Variants in UST observed in about 807,000 individuals in gnomAD.
The protein encoded by UST is uronyl 2-sulfotransferase.
In UST, 21 loss-of-function variants were observed where a neutral mutation model predicts 45.6. The ratio of observed to expected loss-of-function variants is 0.46; its 90% CI spans 0.33 to 0.66. The LOEUF is 0.66. UST is among the 30% of genes least tolerant of loss of function. The pLI is 0.02. For synonymous variants in UST, 215 were observed against 200.6 expected (o/e 1.07, Z -0.61); for missense variants, 463 against 512.4 (o/e 0.90, Z 0.93).
chr6:148,912,449 T>G (rs935825635), intron 2 of UST, among the ~76,000 whole-genome samples: 1 of 152,244 alleles, frequency 6.6e-6, no homozygotes, highest in Non-Finnish European at 1.5e-5. Flanking sequence ...TTCGTTAAAG[T>G]CTGTACTTTG....
chr6:149,037,403 AG>A (rs1317353981), intron 7 of UST, among the ~76,000 whole-genome samples: 26 of 152,232 alleles, frequency 1.7e-4, no homozygotes, highest in Non-Finnish European at 1.5e-5. Flanking sequence ...CTGTTGTTAA[AG>A]CCCAGACTGA....
At chr6:148,852,565 TATC>T (rs1305991807) in intron 1 of UST, among the ~76,000 whole-genome samples, 4 of 152,280 alleles carry the variant, frequency 2.6e-5, no homozygotes, top group Admixed American at 2.6e-4. Flanking sequence ...TATGGAGAAA[TATC>T]ATAATCCTCA....
intron 7 of UST, among the ~76,000 whole-genome samples, chr6:149,029,179 A>G (rs1165106157): frequency 6.6e-6 from 1 of 151,964 alleles, no homozygotes; most frequent in Non-Finnish European, 1.5e-5. Context: ...TCCAAGTCCA[A>G]TTGATTGCAG....
intron 5 of UST, among the ~76,000 whole-genome samples, chr6:149,018,425 G>A (rs1775936496): frequency 2.6e-5 from 4 of 152,088 alleles, no homozygotes. Context: ...TGAGAATGAG[G>A]CATGTCTTAT....
At chr6:148,780,108 TACATGTGTGTGTATATATATAC>T (rs1776614185) in intron 1 of UST, among the ~76,000 whole-genome samples, 2 of 147,470 alleles carry the variant, frequency 1.4e-5, no homozygotes, top group Admixed American at 6.7e-5. Context: ...CACACACAAA[TACATGTGTGTGTATATATATAC>T]ACACACACAC....
intron 1 of UST, among the ~76,000 whole-genome samples, chr6:148,829,844 TGGTCTGACCTAGGGACTATTATTTTGGAA>T (rs1337540562): frequency 6.6e-6 from 1 of 152,242 alleles, no homozygotes; most frequent in Non-Finnish European, 1.5e-5. Context: ...CTACTTGCTT[TGGTCTGACCTAGGGACTATTATTTTGGAA>T]GGTGTTTTAA....
intron 7 of UST, among the ~76,000 whole-genome samples, chr6:149,033,809 A>G (rs1000335888): frequency 4.6e-5 from 7 of 152,182 alleles, no homozygotes; most frequent in East Asian, 1.9e-4. Flanking sequence ...ATTTTTTGCT[A>G]TATCTATTAA....
intron 2 of UST, among the ~76,000 whole-genome samples, chr6:148,938,009 AC>A (rs1437314661): frequency 3.9e-5 from 6 of 152,202 alleles, no homozygotes; most frequent in African/African-American, 1.4e-4. Flanking sequence ...GAATATCTGG[AC>A]TTCTGTAATT....
intron 5 of UST, among the ~76,000 whole-genome samples, chr6:148,982,437 A>G (rs1781156944): frequency 6.6e-6 from 1 of 152,152 alleles, no homozygotes; most frequent in South Asian, 2.1e-4. Context: ...TCCCATTCAC[A>G]AGGGAAGAGA....
At chr6:148,812,932 A>G (rs1258634929) in intron 1 of UST, among the ~76,000 whole-genome samples, 4 of 152,186 alleles carry the variant, frequency 2.6e-5, no homozygotes, top group Non-Finnish European at 5.9e-5. Flanking sequence ...ATTCCTTTTT[A>G]TTGGTAAATG....
At chr6:148,767,031 A>T (rs1201220422) in intron 1 of UST, among the ~76,000 whole-genome samples, 1 of 152,194 alleles carries the variant, frequency 6.6e-6, no homozygotes, top group Admixed American at 6.5e-5. Context: ...ATAGATCCTG[A>T]TGTAGCAGGT....
chr6:148,929,965 G>A (rs1465820304), intron 2 of UST, among the ~76,000 whole-genome samples: 1 of 152,182 alleles, frequency 6.6e-6, no homozygotes, highest in Non-Finnish European at 1.5e-5. Flanking sequence ...ATCAAACATG[G>A]GAGGGAGGCT....
intron 7 of UST, among the ~76,000 whole-genome samples, chr6:149,032,197 G>A (rs373143891): frequency 1.1e-4 from 16 of 152,232 alleles, no homozygotes; most frequent in African/African-American, 3.1e-4. Flanking sequence ...CGCTGCTGCC[G>A]GAGGGCCTGT....
intron 1 of UST, among the ~76,000 whole-genome samples, chr6:148,797,798 G>A (rs748785802): frequency 3.4e-4 from 51 of 152,154 alleles, no homozygotes; most frequent in Non-Finnish European, 5.9e-4. Context: ...ATGTGAGAAG[G>A]CCAGTGTGAT....
rs189222325 is a variant in UST at position 148,949,473 on chromosome 6, A to G, written c.448-4399A>G. Among the ~76,000 whole-genome samples, 688 of 151,376 alleles carry G rather than the reference A, an allele frequency of 4.5e-3. 4 individuals carry two copies. Among genetic ancestry groups the G allele is most frequent in the Middle Eastern group, 0.01 (3 of 286 alleles). ...GGGGTTCTTGTGAGGATTAAATGACACCATATGTATAAAGAGCACCTTGGT... is the reference window on the plus strand; with the variant it reads ...GGGGTTCTTGTGAGGATTAAATGACGCCATATGTATAAAGAGCACCTTGGT... On this transcript the variant is annotated intron_variant, in intron 3 of 7. Coordinates refer to ENST00000367463, the MANE Select transcript of UST (RefSeq NM_005715.3).
rs1035222175 is a variant in UST, at chr6:148,747,219, G to A, written c.-212G>A. 16 of 418,156 alleles carry A rather than the reference G, an allele frequency of 3.8e-5. No homozygotes were observed. Among genetic ancestry groups the A allele is most frequent in the African/African-American group, 3.3e-4 (16 of 48,174 alleles). 25.9% of individuals were successfully genotyped at this position (418,156 alleles called of 1,614,324 possible). A position where few individuals can be genotyped will look rare whatever the true frequency, so the allele number is the denominator to read the frequency against. ...GTCACGGGCAGCGCCCCGAACCGGG[G>A]CCGGACACCTCGGCCGCTCGGGCCG... is the stretch of plus-strand genomic sequence containing the variant. On this transcript the variant is annotated 5_prime_UTR_variant, in exon 1 of 8. Transcript: ENST00000367463.
At chr6:148,924,878 G>A (rs1270091696) in intron 2 of UST, among the ~76,000 whole-genome samples, 6 of 152,140 alleles carry the variant, frequency 3.9e-5, no homozygotes, top group African/African-American at 4.8e-5. Flanking sequence ...GGTGGAATGC[G>A]TGTTTTTGAG....
chr6:148,972,484 A>G (rs562177944), intron 5 of UST, among the ~76,000 whole-genome samples: 10 of 152,350 alleles, frequency 6.6e-5, no homozygotes, highest in African/African-American at 2.4e-4. Flanking sequence ...TGGGTACAGT[A>G]AAGTGTTTCT....
At chr6:148,946,648 A>C (rs1165749583) in intron 3 of UST, among the ~76,000 whole-genome samples, 1 of 150,186 alleles carries the variant, frequency 6.7e-6, no homozygotes, top group Non-Finnish European at 1.5e-5. Flanking sequence ...TGTCTCTACT[A>C]AACAAAATAC....
Sources: allele counts gnomAD v4.1 joint callset (sites outside exome capture counted in the v4.1 genomes callset), GRCh38; gene constraint gnomAD v4.1.1; transcripts MANE v1.5; gene names NCBI Gene and HGNC (gene_info 2026-07-23, HGNC 2026-07-21).